DARS1: variants seen among roughly 807,000 people sequenced by gnomAD.
DARS1 encodes aspartyl-tRNA synthetase 1.
In DARS1, 51 loss-of-function variants were observed where a neutral mutation model predicts 68.8. That is an observed-to-expected ratio of 0.74 (90% CI 0.59 to 0.94). The LOEUF is 0.94. DARS1 is among the 40% of genes least tolerant of loss of function. The pLI is 0.00. For missense variants in DARS1, 607 were observed against 597.3 expected (o/e 1.02, Z -0.17); for synonymous variants, 203 against 190.4 (o/e 1.07, Z -0.55).
At chr2:135,943,587 G>A in intron 4 of DARS1, 107 bp from the exon 5 acceptor site, 1 of 1,480,014 alleles carries the variant, frequency 6.8e-7, no homozygotes, top group Non-Finnish European at 9.0e-7. Context: ...TTTTAATACA[G>A]TAAGCCACTT....
chr2:135,930,394 G>A (rs1353686806), intron 7 of DARS1, among the ~76,000 whole-genome samples: 1 of 152,140 alleles, frequency 6.6e-6, no homozygotes, highest in Non-Finnish European at 1.5e-5. Context: ...CATGAGTCCT[G>A]AATTGTCTAT....
At chr2:135,972,498 C>A (rs1335195021) in intron 3 of DARS1, among the ~76,000 whole-genome samples, 1 of 152,172 alleles carries the variant, frequency 6.6e-6, no homozygotes, top group African/African-American at 2.4e-5. Context: ...GGGAAACCCT[C>A]TAGGACACTG....
Position 135,920,470 on chromosome 2 carries a change from G to T in DARS1, c.942C>A (p.Phe314Leu), listed in dbSNP as rs1315299796. ...CTTTTTACCTTTCTTGAAGTCCTTT[G>T]AATATTTGTACCATGGTGTCAGCAA... Reference protein sequence around the residue: ...EEIADTMVQIFKGLQERFQTE... With the variant: ...EEIADTMVQILKGLQERFQTE... Residue 314 changes from phenylalanine (F) to leucine (L), a missense_variant, in exon 10 of 16, where the codon TTC (phenylalanine) becomes TTA (leucine). Phe to Leu is a conservative substitution (Grantham distance 22). Transcript: ENST00000264161. 2.5e-6 allele frequency: 4 copies of T among 1,612,870 alleles called. 1 individual carries two copies. In the South Asian group the frequency reaches 4.4e-5, roughly 18 times the overall value.
At chr2:135,945,282 C>T (rs1191537082) in intron 4 of DARS1, among the ~76,000 whole-genome samples, 1 of 152,110 alleles carries the variant, frequency 6.6e-6, no homozygotes, top group Non-Finnish European at 1.5e-5. Context: ...CATGTGCCAC[C>T]ATGCCTGGCT....
intron 1 of DARS1, chr2:135,985,028 T>G: frequency 3.8e-6 from 1 of 265,854 alleles, no homozygotes; most frequent in Non-Finnish European, 7.3e-6. Flanking sequence ...GAGGGCTGAG[T>G]ACATATCGAT....
chr2:135,985,512 C>T lies in DARS1; in HGVS notation c.-44G>A. ...AGTGGACACCACCCTCCCTCGCAGG[C>T]TTCCGTAAGGCAGGCCAAAGGGGCT... On this transcript the variant is annotated 5_prime_UTR_variant, in exon 1 of 16. Transcript: ENST00000264161. 6.2e-7 allele frequency: 1 copy of T among 1,613,842 alleles called. No homozygotes were observed. The highest frequency in any genetic ancestry group is 2.2e-5 in the East Asian group (1 of 44,866).
intron 15 of DARS1, 75 bp from the exon 16 acceptor site, chr2:135,907,482 A>T: frequency 1.1e-6 from 1 of 941,624 alleles, no homozygotes; most frequent in Non-Finnish European, 1.6e-6. Context: ...ACAAACATAA[A>T]TGTAATCGTT....
intron 4 of DARS1, 93 bp downstream of exon 4, chr2:135,961,303 A>G (rs1352268855): frequency 8.3e-6 from 6 of 724,742 alleles, no homozygotes; most frequent in Non-Finnish European, 1.5e-5. Flanking sequence ...CAAACGAAGC[A>G]TTGATGTTAA....
At chr2:135,974,746 T>C (rs931791666) in intron 3 of DARS1, among the ~76,000 whole-genome samples, 1 of 152,104 alleles carries the variant, frequency 6.6e-6, no homozygotes, top group Non-Finnish European at 1.5e-5. Flanking sequence ...ATACAAACAT[T>C]TGAAAGAAAA....
intron 5 of DARS1, among the ~76,000 whole-genome samples, chr2:135,935,556 C>T (rs1200033522): frequency 2.0e-5 from 3 of 151,920 alleles, no homozygotes; most frequent in Non-Finnish European, 4.4e-5. Flanking sequence ...GCCGAGATCC[C>T]GCCGCTGCAC....
intron 5 of DARS1, among the ~76,000 whole-genome samples, chr2:135,936,764 G>C (rs1005672144): frequency 2.0e-5 from 3 of 152,116 alleles, no homozygotes; most frequent in Non-Finnish European, 2.9e-5. Context: ...TGTCAAATTA[G>C]GTCAGTAAAA....
intron 4 of DARS1, among the ~76,000 whole-genome samples, chr2:135,959,611 A>G (rs1281180420): frequency 1.3e-5 from 2 of 152,066 alleles, no homozygotes; most frequent in Non-Finnish European, 2.9e-5. Context: ...GCTGTTATTT[A>G]GTCAAGTCCC....
At chr2:135,942,209 G>A (rs1432157879) in intron 5 of DARS1, among the ~76,000 whole-genome samples, 1 of 152,114 alleles carries the variant, frequency 6.6e-6, no homozygotes, top group Admixed American at 6.5e-5. Context: ...GCACACGTAC[G>A]TTTATTGCGG....
intron 4 of DARS1, among the ~76,000 whole-genome samples, chr2:135,944,588 T>C (rs939111015): frequency 6.6e-6 from 1 of 151,462 alleles, no homozygotes; most frequent in Non-Finnish European, 1.5e-5. Context: ...AAAAAAAAAA[T>C]CAACAGCATG....
chr2:135,911,569 G>A, intron 13 of DARS1, 76 bp from the exon 14 acceptor site: 1 of 692,176 alleles, frequency 1.4e-6, no homozygotes, highest in Non-Finnish European at 2.6e-6. Context: ...AAAAATCTCT[G>A]CTGCATGAAG....
rs115306423 is a variant in DARS1 at position 135,967,453 on chromosome 2, T to C, written c.218-5955A>G. On this transcript the variant is annotated intron_variant, in intron 3 of 15. Coordinates refer to ENST00000264161, the MANE Select transcript of DARS1 (RefSeq NM_001349.4). ...AGACATTCCAATTACTCTTTCAATA[T>C]GCAGACTTATGCTCATATGTTTCAC... is the stretch of plus-strand genomic sequence containing the variant. Among the ~76,000 whole-genome samples, 1,313 of 152,352 alleles carry C rather than the reference T, an allele frequency of 8.6e-3. 16 individuals are homozygous for C. The highest frequency in any genetic ancestry group is 0.028 in the African/African-American group (1,159 of 41,582).
In DARS1 at chr2:135,907,412, G is replaced by A; in HGVS notation, c.1415-5C>T. 1 of 1,601,956 alleles carries A rather than the reference G, an allele frequency of 6.2e-7. No homozygotes were observed. On this transcript the variant is annotated splice_polypyrimidine_tract_variant and splice_region_variant and intron_variant, in intron 15 of 15. Coordinates refer to ENST00000264161, the MANE Select transcript of DARS1 (RefSeq NM_001349.4). ...GCATAGTAACTCGTTCCAATCCTGG[G>A]GAAGACAAAAATAATCATTAATTCC...
At position 135,934,823 on chromosome 2, in the gene DARS1, C is replaced by T. The variant is rs554363265; in HGVS notation, c.424-833G>A. 1.7e-4 allele frequency among the ~76,000 whole-genome samples: 25 copies of T among 144,572 alleles called. No individual in the cohort carries two copies. In the South Asian group the frequency reaches 5.6e-3, roughly 32 times the overall value. 94.8% of individuals were successfully genotyped at this position (144,572 alleles called of 152,430 possible). A position where few individuals can be genotyped will look rare whatever the true frequency, so the allele number is the denominator to read the frequency against. ...TTTTTTTTTTTTTTTGAGACGGAGT[C>T]CCACTCTGTCACCCAGGCTGGAGTG... is the stretch of plus-strand genomic sequence containing the variant. On this transcript the variant is annotated intron_variant, in intron 5 of 15. Transcript: ENST00000264161.
chr2:135,914,334 ATGT>A (rs1680959278), intron 12 of DARS1, 132 bp downstream of exon 12: 2 of 651,608 alleles, frequency 3.1e-6, no homozygotes, highest in African/African-American at 1.8e-5. Flanking sequence ...AATTTTTTTA[ATGT>A]TGTCCTTCTT....
Sources: gnomAD v4.1 joint callset for allele counts (sites outside exome capture counted in the v4.1 genomes callset) on GRCh38, gnomAD v4.1.1 for gene constraint, MANE v1.5 for transcripts, NCBI Gene and HGNC (gene_info 2026-07-23, HGNC 2026-07-21) for gene names.